IGSF9B: variants seen among roughly 807,000 people sequenced by gnomAD.
IGSF9B encodes immunoglobulin superfamily member 9B.
A neutral mutation model predicts 143.7 loss-of-function variants in IGSF9B; 48 were observed. That is an observed-to-expected ratio of 0.33 (90% confidence interval 0.26 to 0.42). IGSF9B has a LOEUF of 0.42. Ranked by LOEUF, IGSF9B falls within the 20% of genes least tolerant of loss-of-function variation. The pLI is 1.00. For synonymous variants in IGSF9B, 903 were observed against 833.1 expected (o/e 1.08, Z -1.44); for missense variants, 1,706 against 1,980.0 (o/e 0.86, Z 2.63).
chr11:133,944,645 T>C (rs1381084228), intron 2 of IGSF9B, among the ~76,000 whole-genome samples: 1 of 152,156 alleles, frequency 6.6e-6, no homozygotes, highest in Non-Finnish European at 1.5e-5. Flanking sequence ...CTCAGTTCCC[T>C]AGAATACTCT....
intron 1 of IGSF9B, chr11:133,952,297 A>C (rs968223553): frequency 3.4e-6 from 1 of 297,238 alleles, no homozygotes; most frequent in Non-Finnish European, 6.8e-6. Flanking sequence ...GGAGTGAGCA[A>C]CTGAGACACA....
Position 133,901,900 on chromosome 11 carries a change from C to CA in IGSF9B, c.*7168dup, listed in dbSNP as rs1251570527. Among the ~76,000 whole-genome samples, 4 of 144,934 alleles carry CA rather than the reference C, an allele frequency of 2.8e-5. No individual in the cohort carries two copies. Among genetic ancestry groups the CA allele is most frequent in the African/African-American group, 1.0e-4 (4 of 39,064 alleles). On this transcript the variant is annotated 3_prime_UTR_variant, in exon 20 of 20. Transcript: ENST00000533871. ...ACCACACACACACACAACACACACA[C>CA]AACACACCACACACAACACACACCA...
At chr11:133,918,970 A>AG (rs1217866076) in intron 18 of IGSF9B, 10 of 471,192 alleles carry the variant, frequency 2.1e-5, no homozygotes, top group South Asian at 1.5e-4. Context: ...CGGGGACGGC[A>AG]GGGAAGAAGG....
intron 2 of IGSF9B, 34 bp from the exon 3 acceptor site, chr11:133,944,400 C>T: frequency 1.9e-6 from 3 of 1,609,988 alleles, no homozygotes; most frequent in Non-Finnish European, 2.5e-6. Flanking sequence ...GCCCCACAGG[C>T]CATCAGGTAA....
rs1207295745 is a variant in IGSF9B, at chr11:133,908,938, CAA to C, written c.*129_*130del. On this transcript the variant is annotated 3_prime_UTR_variant, in exon 20 of 20. Transcript: ENST00000533871. ...ATCTGGAGGGAGACACCCGCTCTGG[CAA>C]AAGAGGGGGCATGCAGGACAAAGGT... 6 of 772,628 alleles carry C rather than the reference CAA, an allele frequency of 7.8e-6. No homozygotes were observed. The highest frequency in any genetic ancestry group is 1.2e-5 in the Non-Finnish European group (6 of 486,598). 47.9% of individuals were successfully genotyped at this position (772,628 alleles called of 1,614,324 possible).
At chr11:133,917,124 CCTT>C (rs1939400546) in intron 18 of IGSF9B, among the ~76,000 whole-genome samples, 2 of 152,220 alleles carry the variant, frequency 1.3e-5, no homozygotes, top group Non-Finnish European at 2.9e-5. Context: ...GCACCTGTCT[CCTT>C]CTCGCCTGGA....
rs574539292 is a variant in IGSF9B, at chr11:133,936,312, G to A, written c.680-118C>T. The A allele has an allele frequency of 9.5e-5, 82 of 865,110 alleles. 1 individual carries two copies. Among genetic ancestry groups the A allele is most frequent in the South Asian group, 8.7e-4 (53 of 61,078 alleles). 53.6% of individuals were successfully genotyped at this position (865,110 alleles called of 1,614,324 possible). A position where few individuals can be genotyped will look rare whatever the true frequency, so the allele number is the denominator to read the frequency against. On this transcript the variant is annotated intron_variant, in intron 5 of 19. Transcript: ENST00000533871. ...GTGCCCTGAACACTGCGATGGGGGC[G>A]GCTGTCATGGAGACACTTCCAGATG... is the stretch of plus-strand genomic sequence containing the variant.
chr11:133,952,869 T>A (rs1311500525), intron 1 of IGSF9B, among the ~76,000 whole-genome samples: 1 of 152,080 alleles, frequency 6.6e-6, no homozygotes, highest in Non-Finnish European at 1.5e-5. Flanking sequence ...ACCATTCAGA[T>A]CCACTCTTCA....
chr11:133,919,400 C>G (rs1403027973), intron 18 of IGSF9B, among the ~76,000 whole-genome samples: 1 of 152,186 alleles, frequency 6.6e-6, no homozygotes, highest in Non-Finnish European at 1.5e-5. Flanking sequence ...CGCAGGGACT[C>G]GGAGAGCCGT....
rs1048625564 is a variant in IGSF9B at position 133,903,450 on chromosome 11, G to A, written c.*5619C>T. ...AACTACTACTACTGTCTTCTACACC[G>A]CAGAAGACAACACCCATGTGATTTT... On this transcript the variant is annotated 3_prime_UTR_variant, in exon 20 of 20. Transcript: ENST00000533871. Among the ~76,000 whole-genome samples the A allele has an allele frequency of 3.3e-5, 5 of 152,146 alleles. No homozygotes were observed. The highest frequency in any genetic ancestry group is 9.7e-5 in the African/African-American group (4 of 41,416).
intron 1 of IGSF9B, among the ~76,000 whole-genome samples, chr11:133,954,501 T>C (rs1940216261): frequency 6.6e-6 from 1 of 152,186 alleles, no homozygotes; most frequent in South Asian, 2.1e-4. Context: ...GAGGAGGATC[T>C]TGGAATCCCA....
Position 133,956,750 on chromosome 11 carries a change from A to G in IGSF9B, c.5T>C (p.Ile2Thr). Residue 2 changes from isoleucine to threonine, a missense_variant, in exon 1 of 20, where the codon ATT (isoleucine) becomes ACT (threonine). Physicochemically the swap from Ile to Thr is moderately conservative, Grantham distance 89 (BLOSUM62 -1). Around this residue, in one of 7 missense-constraint regions of IGSF9B, gnomAD observed 171 missense variants for 213.9 expected, o/e 0.80. Transcript: ENST00000533871. ...TGCTATGAAAGTGGCCACATACCAA[A>G]TCATAGTACTACCGCGCCAGCCCGG... MIWYVATFIASV... is the reference protein window; with the variant it reads MTWYVATFIASV... The G allele has an allele frequency of 6.6e-7, 1 of 1,524,380 alleles. No individual in the cohort carries two copies. The highest frequency in any genetic ancestry group is 1.2e-5 in the South Asian group (1 of 81,414). The allele number at this position is 1,524,380 out of a possible 1,614,324, so 94.4% of individuals were successfully genotyped here.
At chr11:133,947,159 C>T (rs1940069176) in intron 1 of IGSF9B, among the ~76,000 whole-genome samples, 2 of 152,138 alleles carry the variant, frequency 1.3e-5, no homozygotes, top group South Asian at 4.1e-4. Context: ...TCCACCCCAC[C>T]ACAAGCTAGA....
intron 3 of IGSF9B, among the ~76,000 whole-genome samples, chr11:133,939,882 G>A (rs576493114): frequency 5.4e-5 from 8 of 149,028 alleles, no homozygotes; most frequent in East Asian, 2.0e-4. Context: ...GTCCTCGCAC[G>A]CGTCATCACA....
At chr11:133,932,008 A>G in intron 8 of IGSF9B, 63 bp downstream of exon 8, 1 of 1,557,600 alleles carries the variant, frequency 6.4e-7, no homozygotes, top group African/African-American at 1.4e-5. Flanking sequence ...CAGAGCCCAG[A>G]GGTGGCATCA....
chr11:133,908,094 G>T lies in IGSF9B; in HGVS notation c.*975C>A, dbSNP rs1407064036. Among the ~76,000 whole-genome samples, 1 of 152,226 alleles carries T rather than the reference G, an allele frequency of 6.6e-6. No individual in the cohort carries two copies. Among genetic ancestry groups the T allele is most frequent in the Non-Finnish European group, 1.5e-5 (1 of 68,038 alleles). On this transcript the variant is annotated 3_prime_UTR_variant, in exon 20 of 20. Transcript: ENST00000533871. ...GCTAGCACAGGTGGCTCCGCAGTGG[G>T]GAGACTTTGGCCACAGAGCTCACGG...
At chr11:133,910,215 G>A (rs1360196622) in intron 19 of IGSF9B, among the ~76,000 whole-genome samples, 9 of 152,286 alleles carry the variant, frequency 5.9e-5, no homozygotes, top group Admixed American at 2.0e-4. Context: ...GTGCACACAC[G>A]CCTGCACGTG....
intron 11 of IGSF9B, 149 bp from the exon 12 acceptor site, chr11:133,929,931 C>G (rs952630295): frequency 3.3e-6 from 2 of 612,016 alleles, no homozygotes; most frequent in Admixed American, 5.4e-5. Context: ...GACGGGGATG[C>G]TCTCAGGCGC....
Position 133,921,191 on chromosome 11 carries a change from G to A in IGSF9B, c.2534C>T (p.Thr845Met), listed in dbSNP as rs1215939866. 34 of 1,608,970 alleles carry A rather than the reference G, an allele frequency of 2.1e-5. No homozygotes were observed. The highest frequency in any genetic ancestry group is 2.5e-5 in the Non-Finnish European group (29 of 1,177,010). The change falls in exon 18 of 20, where the codon ACG becomes ATG. Residue 845 changes from threonine (T) to methionine (M), a missense_variant. Physicochemically the swap from Thr to Met is moderately conservative, Grantham distance 81. Transcript: ENST00000533871. ...AKAEAEAEAT[T>M]PIELISRGPD... ...GCCTCTGCTGATGAGCTCGATGGGC[G>A]TGGTGGCCTCTGCCTCGGCCTCTGC...
Sources: allele counts gnomAD v4.1 joint callset (sites outside exome capture counted in the v4.1 genomes callset), GRCh38; gene constraint gnomAD v4.1.1; regional missense constraint gnomAD v4.1.1; transcripts MANE v1.5; gene names NCBI Gene and HGNC (gene_info 2026-07-23, HGNC 2026-07-21).